The following TSPAN9 variants were observed in gnomAD, a reference collection of about 807,000 sequenced individuals.
The protein encoded by TSPAN9 is tetraspanin-9.
A neutral mutation model predicts 31.0 loss-of-function variants in TSPAN9; 16 were observed. The ratio of observed to expected loss-of-function variants is 0.52; its 90% CI spans 0.35 to 0.78. The LOEUF (loss-of-function observed/expected upper bound fraction) is 0.78. Ranked by LOEUF, TSPAN9 falls within the 30% of genes least tolerant of loss-of-function variation. The pLI is 0.01. For synonymous variants in TSPAN9, 145 were observed against 121.6 expected (o/e 1.19, Z -1.27); for missense variants, 272 against 312.5 (o/e 0.87, Z 0.98).
In TSPAN9 at chr12:3,280,382, G is replaced by A. The variant is rs1862871136; in HGVS notation, c.331G>A (p.Val111Met). Residue 111 changes from valine to methionine, a missense_variant and splice_region_variant, in exon 6 of 9, where the codon GTG becomes ATG. Physicochemically the swap from Val to Met is conservative, Grantham distance 21 (BLOSUM62 1). Transcript: ENST00000011898. This position sits in a 1 kb window ranked among gnomAD's most constrained non-coding sequence, Gnocchi z 4.5. The stretch of plus-strand genomic sequence containing the variant: ...CTCACTGTGTCCCTCCGCCTGGCAG[G>A]TGAACGAGAACGCCAAGAAGGACCT... The part of the protein sequence containing the change: ...LILFFVYMDK[V>M]NENAKKDLKE... 6.2e-7 allele frequency: 1 copy of A among 1,609,406 alleles called. No individual in the cohort carries two copies. The highest frequency in any genetic ancestry group is 8.5e-7 in the Non-Finnish European group (1 of 1,176,974).
intron 3 of TSPAN9, among the ~76,000 whole-genome samples, chr12:3,244,654 GC>G (rs2098398449): frequency 6.6e-6 from 1 of 152,188 alleles, no homozygotes; most frequent in South Asian, 2.1e-4. Flanking sequence ...CCACCAGATG[GC>G]GATCCCCCAG....
chr12:3,096,853 C>T (rs956965048), intron 2 of TSPAN9, among the ~76,000 whole-genome samples: 3 of 151,920 alleles, frequency 2.0e-5, no homozygotes, highest in South Asian at 2.1e-4. Flanking sequence ...CCACCACGCC[C>T]GGCTAATTTT....
chr12:3,198,162 AC>A (rs1451734985), intron 2 of TSPAN9, among the ~76,000 whole-genome samples: 4 of 73,940 alleles, frequency 5.4e-5, no homozygotes, highest in Admixed American at 1.4e-4. Context: ...AGCACAGGCC[AC>A]CACCAGCACA....
intron 2 of TSPAN9, among the ~76,000 whole-genome samples, chr12:3,150,276 T>C (rs1295116045): frequency 6.6e-6 from 1 of 152,182 alleles, no homozygotes; most frequent in African/African-American, 2.4e-5. Flanking sequence ...ATAGGGCACA[T>C]AGCTGACTTG....
intron 2 of TSPAN9, among the ~76,000 whole-genome samples, chr12:3,102,301 A>T (rs1328696296): frequency 1.3e-5 from 2 of 151,388 alleles, no homozygotes; most frequent in Admixed American, 6.6e-5. Context: ...CATTTTTAAA[A>T]TTTTTTTGTA....
At chr12:3,088,543 G>T (rs1178106261) in intron 2 of TSPAN9, among the ~76,000 whole-genome samples, 1 of 152,212 alleles carries the variant, frequency 6.6e-6, no homozygotes, top group Non-Finnish European at 1.5e-5. Flanking sequence ...TCTTGGCTCA[G>T]CCTGCCCCCA....
At chr12:3,095,016 G>C (rs1339421354) in intron 2 of TSPAN9, among the ~76,000 whole-genome samples, 1 of 102,922 alleles carries the variant, frequency 9.7e-6, no homozygotes, top group African/African-American at 4.7e-5. Context: ...AGGACCCTGC[G>C]GCCTTCCGCA....
intron 5 of TSPAN9, among the ~76,000 whole-genome samples, chr12:3,279,827 G>A: frequency 6.6e-6 from 1 of 152,218 alleles, no homozygotes; most frequent in East Asian, 1.9e-4. Flanking sequence ...ATTTCTCTGT[G>A]CCAGCCCTGT....
Position 3,280,342 on chromosome 12 carries a change from C to T in TSPAN9, c.331-40C>T, listed in dbSNP as rs773891470. On this transcript the variant is annotated intron_variant, in intron 5 of 8. Coordinates refer to ENST00000011898, the MANE Select transcript of TSPAN9 (RefSeq NM_006675.5). The surrounding 1 kb of genome is among the most constrained non-coding windows in gnomAD (Gnocchi z 4.5). ...GGTGGGCTGGAGAGACGAGCTGCGT[C>T]CTGGTTCCAACCGTCTCACTGTGTC... 7 of 1,591,974 alleles carry T rather than the reference C, an allele frequency of 4.4e-6. No homozygotes were observed. The South Asian group carries it at 5.5e-5, about 13-fold the overall frequency.
chr12:3,203,921 G>A (rs1312302164), intron 3 of TSPAN9, among the ~76,000 whole-genome samples: 1 of 152,156 alleles, frequency 6.6e-6, no homozygotes, highest in East Asian at 1.9e-4. Flanking sequence ...TGCTTGGCCT[G>A]ATACTGGGGA....
At chr12:3,162,473 A>G (rs1179924576) in intron 2 of TSPAN9, among the ~76,000 whole-genome samples, 1 of 152,126 alleles carries the variant, frequency 6.6e-6, no homozygotes, top group African/African-American at 2.4e-5. Flanking sequence ...GACCTGCAGG[A>G]ACCAACAGCA....
At chr12:3,253,013 C>G (rs916241383) in intron 3 of TSPAN9, among the ~76,000 whole-genome samples, 1 of 152,088 alleles carries the variant, frequency 6.6e-6, no homozygotes, top group African/African-American at 2.4e-5. Context: ...GTGGCGTGTC[C>G]GAGTGAGCCA....
chr12:3,098,132 C>T (rs1458497359), intron 2 of TSPAN9, among the ~76,000 whole-genome samples: 2 of 152,182 alleles, frequency 1.3e-5, no homozygotes, highest in African/African-American at 2.4e-5. Context: ...AGTCAGGGCC[C>T]CCAGCTGGCC....
At chr12:3,081,840 G>GTATATATATATATATATATATA (rs1279686443) in intron 1 of TSPAN9, among the ~76,000 whole-genome samples, 2 of 30,132 alleles carry the variant, frequency 6.6e-5, no homozygotes, top group African/African-American at 4.3e-4. Context: ...GTGTGTCTGT[G>GTATATATATATATATATATATA]TGTGTATATA....
In TSPAN9 at chr12:3,140,144, G is replaced by A. The variant is rs780968618; in HGVS notation, c.-18+56425G>A. The stretch of plus-strand genomic sequence containing the variant: ...CAGATTACTACCCAGAGTGTGGCCC[G>A]TGGACCTGGGCTATCTGTAAGGAAT... On this transcript the variant is annotated intron_variant, in intron 2 of 8. Coordinates refer to ENST00000011898, the MANE Select transcript of TSPAN9 (RefSeq NM_006675.5). Among the ~76,000 whole-genome samples, 16 of 6,986 alleles carry A rather than the reference G, an allele frequency of 2.3e-3. No homozygotes were observed. The Non-Finnish European group carries it at 0.067, about 29-fold the overall frequency. 4.6% of individuals were successfully genotyped at this position (6,986 alleles called of 152,430 possible). A position where few individuals can be genotyped will look rare whatever the true frequency, so the allele number is the denominator to read the frequency against.
At chr12:3,214,492 G>A (rs77127174) in intron 3 of TSPAN9, among the ~76,000 whole-genome samples, 316 of 152,256 alleles carry the variant, frequency 2.1e-3, no homozygotes, top group African/African-American at 7.3e-3. Flanking sequence ...GTTCCAGGGT[G>A]GACGAACTCC....
In TSPAN9 at chr12:3,168,329, T is replaced by C. The variant is rs1054968121; in HGVS notation, c.-17-32848T>C. On this transcript the variant is annotated intron_variant, in intron 2 of 8. Coordinates refer to ENST00000011898, the MANE Select transcript of TSPAN9 (RefSeq NM_006675.5). This position sits in a 1 kb window ranked among gnomAD's most constrained non-coding sequence, Gnocchi z 4.0. ...TCCCCTCTAGCGCTCGTCTTTTTGC[T>C]TCCTTCAATTCAAGACCCAGAGGGG... is the stretch of plus-strand genomic sequence containing the variant. Among the ~76,000 whole-genome samples, 1 of 152,242 alleles carries C rather than the reference T, an allele frequency of 6.6e-6. No individual in the cohort carries two copies. The highest frequency in any genetic ancestry group is 2.4e-5 in the African/African-American group (1 of 41,470).
chr12:3,244,960 TCTCA>T (rs1318537754), intron 3 of TSPAN9, among the ~76,000 whole-genome samples: 12 of 152,298 alleles, frequency 7.9e-5, no homozygotes, highest in African/African-American at 2.4e-4. Context: ...AACCTCTCTC[TCTCA>T]CTCTGTGCGT....
At chr12:3,088,206 T>G (rs572535846) in intron 2 of TSPAN9, among the ~76,000 whole-genome samples, 58 of 152,390 alleles carry the variant, frequency 3.8e-4, no homozygotes, top group African/African-American at 1.3e-3. Flanking sequence ...TGGGAGATTC[T>G]AAACAGCTTT....
Sources: allele counts gnomAD v4.1 joint callset (sites outside exome capture counted in the v4.1 genomes callset), GRCh38; gene constraint gnomAD v4.1.1; non-coding constraint Gnocchi (gnomAD v3.1); transcripts MANE v1.5; gene names NCBI Gene and HGNC (gene_info 2026-07-23, HGNC 2026-07-21).